Variants in USP50 observed in about 807,000 individuals in gnomAD.
USP50 encodes ubiquitin specific peptidase 50.
In USP50, 37 loss-of-function variants were observed where a neutral mutation model predicts 39.2. That is an observed-to-expected ratio of 0.94 (90% confidence interval 0.73 to 1.24). The LOEUF (loss-of-function observed/expected upper bound fraction) is 1.24. USP50 is among the 50% of genes most tolerant of loss of function. USP50 has a pLI of 0.00. For synonymous variants in USP50, 139 were observed against 144.5 expected (o/e 0.96, Z 0.27); for missense variants, 374 against 398.2 (o/e 0.94, Z 0.52).
chr15:50,531,492 A>G (rs1157862413), intron 5 of USP50, among the ~76,000 whole-genome samples: 2 of 151,894 alleles, frequency 1.3e-5, no homozygotes, highest in Admixed American at 1.3e-4. Context: ...GGAAAACAAA[A>G]TTATAGGGAC....
chr15:50,507,655 T>C (rs919241299), intron 6 of USP50: 6 of 152,158 alleles, frequency 3.9e-5, no homozygotes, highest in African/African-American at 1.2e-4. Context: ...ACCATCATAA[T>C]GGAAGATTTC....
downstream of USP50, chr15:50,499,076 T>G: frequency 1.9e-6 from 3 of 1,608,086 alleles, no homozygotes; most frequent in Non-Finnish European, 2.5e-6. Context: ...GAGTAACTGA[T>G]GTAGCCACAT....
intron 6 of USP50, chr15:50,508,610 T>G (rs757200628): frequency 6.6e-6 from 1 of 152,042 alleles, no homozygotes; most frequent in African/African-American, 2.4e-5. Flanking sequence ...AGGGAAGAGA[T>G]AACACTGTAA....
At chr15:50,542,771 G>A (rs62019154) in intron 3 of USP50, among the ~76,000 whole-genome samples, 49,669 of 151,910 alleles carry the variant, frequency 0.33, 8,999 homozygotes, top group South Asian at 0.42. Context: ...TTACAGACGC[G>A]AACCACAGCG....
chr15:50,494,310 A>C (rs767547742), intron 1 of USP50: 14 of 1,573,802 alleles, frequency 8.9e-6, no homozygotes, highest in Non-Finnish European at 1.2e-5. Context: ...TAAGTTGCAG[A>C]GACTCTTTAG....
At chr15:50,539,961 C>T (rs763390956) in intron 4 of USP50, among the ~76,000 whole-genome samples, 3 of 152,170 alleles carry the variant, frequency 2.0e-5, no homozygotes, top group Non-Finnish European at 4.4e-5. Flanking sequence ...GAGCCACTAG[C>T]ACCTTACTTA....
intron 1 of USP50, chr15:50,494,242 C>T (rs1397430295): frequency 2.5e-6 from 4 of 1,612,402 alleles, no homozygotes; most frequent in African/African-American, 1.3e-5. Context: ...AGAATTGCTT[C>T]TGTTCCTAAT....
chr15:50,525,978 C>T (rs922962681), intron 6 of USP50, among the ~76,000 whole-genome samples: 1 of 151,794 alleles, frequency 6.6e-6, no homozygotes, highest in Non-Finnish European at 1.5e-5. Flanking sequence ...TAATATACAC[C>T]GAATTCGGGT....
intron 1 of USP50, among the ~76,000 whole-genome samples, chr15:50,545,041 C>A (rs781644865): frequency 6.6e-6 from 1 of 151,950 alleles, no homozygotes; most frequent in Non-Finnish European, 1.5e-5. Context: ...AGTTTGAGAC[C>A]AGCCAGGGTA....
At chr15:50,545,751 T>C (rs2053066442) in intron 1 of USP50, among the ~76,000 whole-genome samples, 1 of 151,898 alleles carries the variant, frequency 6.6e-6, no homozygotes, top group Non-Finnish European at 1.5e-5. Flanking sequence ...TGTAAAAATA[T>C]AGATCTTAGT....
At chr15:50,520,745 T>A (rs1422172209) in intron 6 of USP50, among the ~76,000 whole-genome samples, 1 of 152,134 alleles carries the variant, frequency 6.6e-6, no homozygotes, top group Non-Finnish European at 1.5e-5. Context: ...AAACAAATGT[T>A]GCATGTTCTC....
At chr15:50,538,945 G>A in intron 4 of USP50, 94 bp from the exon 5 acceptor site, 1 of 1,328,090 alleles carries the variant, frequency 7.5e-7, no homozygotes, top group East Asian at 2.4e-5. Context: ...CCGTGGAAAT[G>A]TAGTTCTCAG....
rs1391451266 is a variant in USP50 at position 50,542,110 on chromosome 15, C to T, written c.445-846G>A. Among the ~76,000 whole-genome samples the T allele has an allele frequency of 3.3e-5, 5 of 151,916 alleles. No homozygotes were observed. In the East Asian group the frequency reaches 9.7e-4, roughly 29 times the overall value. On this transcript the variant is annotated intron_variant, in intron 3 of 6. Coordinates refer to ENST00000532404, the MANE Select transcript of USP50 (RefSeq NM_203494.5). ...TCTAAGGCAGCCTGGTGGAACTAGCCTTGTGGCCTGGTTTGGATCCAGCTC... is the reference window on the plus strand; with the variant it reads ...TCTAAGGCAGCCTGGTGGAACTAGCTTTGTGGCCTGGTTTGGATCCAGCTC...
At chr15:50,509,694 G>A (rs1048962864) in intron 6 of USP50, 4 of 151,990 alleles carry the variant, frequency 2.6e-5, no homozygotes, top group Non-Finnish European at 5.9e-5. Context: ...ACAAGTCAAC[G>A]ATAAAATTAA....
intron 6 of USP50, among the ~76,000 whole-genome samples, chr15:50,525,683 T>TGTA (rs200368959): frequency 3.1e-5 from 4 of 128,694 alleles, no homozygotes; most frequent in African/African-American, 1.3e-4. Flanking sequence ...TATATGTATA[T>TGTA]TATATATGTA....
chr15:50,542,456 GTTT>G (rs1209145634), intron 3 of USP50, among the ~76,000 whole-genome samples: 3 of 110,734 alleles, frequency 2.7e-5, no homozygotes, highest in Non-Finnish European at 5.8e-5. Context: ...CCATGAATAT[GTTT>G]TTGTTTTTTT....
downstream of USP50, chr15:50,493,966 C>A: frequency 7.9e-7 from 1 of 1,268,720 alleles, no homozygotes; most frequent in Non-Finnish European, 1.1e-6. Flanking sequence ...TAATGTAGTG[C>A]TACAGTATGT....
intron 6 of USP50, among the ~76,000 whole-genome samples, chr15:50,524,006 CA>C (rs2141365431): frequency 6.6e-6 from 1 of 152,250 alleles, no homozygotes; most frequent in South Asian, 2.1e-4. Flanking sequence ...TGATTTTCCA[CA>C]AAGGTGCCAA....
downstream of USP50, chr15:50,498,483 C>G: frequency 7.3e-7 from 1 of 1,361,268 alleles, no homozygotes; most frequent in Non-Finnish European, 9.8e-7. Context: ...AATTCCAAGT[C>G]TTTGTATTTG....
Sources: gnomAD v4.1 joint callset for allele counts (sites outside exome capture counted in the v4.1 genomes callset) on GRCh38, gnomAD v4.1.1 for gene constraint, MANE v1.5 for transcripts, NCBI Gene and HGNC (gene_info 2026-07-23, HGNC 2026-07-21) for gene names.